Variants in MACROD2 observed in about 807,000 individuals in gnomAD.
MACROD2 encodes mono-ADP ribosylhydrolase 2, also known as ADP-ribose glycohydrolase MACROD2.
Under a neutral mutation model 70.4 loss-of-function variants are expected in MACROD2, and 36 were observed. The ratio of observed to expected loss-of-function variants is 0.51; its 90% confidence interval spans 0.39 to 0.68. The LOEUF is 0.68. Ranked by LOEUF, MACROD2 falls within the 30% of genes least tolerant of loss-of-function variation. The pLI, the probability that MACROD2 is intolerant of heterozygous loss-of-function variation, is 0.00. For missense variants in MACROD2, 496 were observed against 538.4 expected (o/e 0.92, Z 0.78); for synonymous variants, 172 against 178.8 (o/e 0.96, Z 0.30).
intron 5 of MACROD2, among the ~76,000 whole-genome samples, chr20:15,223,920 G>A (rs1046533378): frequency 2.6e-5 from 4 of 152,128 alleles, no homozygotes; most frequent in East Asian, 1.9e-4. Context: ...GTTATAAAAG[G>A]CAACATGGCG....
At chr20:14,863,961 G>T (rs1286284998) in intron 5 of MACROD2, among the ~76,000 whole-genome samples, 1 of 152,000 alleles carries the variant, frequency 6.6e-6, no homozygotes, top group African/African-American at 2.4e-5. Context: ...CCTCAAATCT[G>T]TATTTTTAAT....
intron 8 of MACROD2, among the ~76,000 whole-genome samples, chr20:15,737,161 A>G (rs1415345847): frequency 6.6e-6 from 1 of 152,180 alleles, no homozygotes; most frequent in Non-Finnish European, 1.5e-5. Context: ...TAACTGGGAA[A>G]ATGAGGAAGG....
intron 3 of MACROD2, among the ~76,000 whole-genome samples, chr20:14,357,107 C>T (rs951583031): frequency 3.9e-5 from 6 of 152,154 alleles, no homozygotes; most frequent in South Asian, 2.1e-4. Context: ...GAGGGAGGAA[C>T]GTAGACACTT....
intron 4 of MACROD2, chr20:14,631,962 T>C (rs1984538813): frequency 6.6e-6 from 1 of 152,178 alleles, no homozygotes. Context: ...AAGAAAAAAT[T>C]TCAGTTGTTT....
At position 15,801,161 on chromosome 20, in the gene MACROD2, C is replaced by T. The variant is rs1321836588; in HGVS notation, c.646-61584C>T. ...TGTGACCCTGCCAAATCCCCCTCTG[C>T]GAGAAACACCCAAGAATGATCAATT... On this transcript the variant is annotated intron_variant, in intron 8 of 17. Transcript: ENST00000684519. 3.8e-3 allele frequency among the ~76,000 whole-genome samples: 524 copies of T among 136,132 alleles called. 4 individuals carry two copies. The highest frequency in any genetic ancestry group is 0.015 in the East Asian group (70 of 4,598). The allele number at this position is 136,132 out of a possible 152,430, so 89.3% of individuals were successfully genotyped here. A position where few individuals can be genotyped will look rare whatever the true frequency, so the allele number is the denominator to read the frequency against.
intron 9 of MACROD2, among the ~76,000 whole-genome samples, chr20:15,884,760 A>G (rs1205547197): frequency 6.6e-6 from 1 of 152,116 alleles, no homozygotes. Flanking sequence ...CTGCTGTAAC[A>G]AAATATCATA....
chr20:15,887,946 C>T (rs369565269), intron 10 of MACROD2, among the ~76,000 whole-genome samples: 33 of 152,094 alleles, frequency 2.2e-4, no homozygotes, highest in African/African-American at 7.5e-4. Context: ...GTTGGCCATA[C>T]GTGGCTAGTG....
intron 10 of MACROD2, among the ~76,000 whole-genome samples, chr20:15,919,888 G>A (rs1232585993): frequency 6.6e-6 from 1 of 152,150 alleles, no homozygotes; most frequent in Non-Finnish European, 1.5e-5. Context: ...ATTCAAAGTG[G>A]AGTAAGACCC....
intron 8 of MACROD2, among the ~76,000 whole-genome samples, chr20:15,819,980 C>T (rs1274786013): frequency 6.6e-6 from 1 of 151,940 alleles, no homozygotes; most frequent in Non-Finnish European, 1.5e-5. Flanking sequence ...CACTGTAGTA[C>T]CTATTTTACT....
At chr20:14,146,211 A>T (rs1467996787) in intron 3 of MACROD2, among the ~76,000 whole-genome samples, 1 of 152,080 alleles carries the variant, frequency 6.6e-6, no homozygotes, top group Non-Finnish European at 1.5e-5. Flanking sequence ...CCAGCTACTC[A>T]GAGAGGCTGA....
intron 3 of MACROD2, among the ~76,000 whole-genome samples, chr20:14,399,675 G>GATGCATATTAGGTTGTTTACATGC (rs537529829): frequency 6.6e-6 from 1 of 152,072 alleles, no homozygotes; most frequent in African/African-American, 2.4e-5. Context: ...TGACTTTGGG[G>GATGCATATTAGGTTGTTTACATGC]ATGCATATTA....
At chr20:14,616,636 G>A (rs776353131) in intron 4 of MACROD2, among the ~76,000 whole-genome samples, 11 of 152,148 alleles carry the variant, frequency 7.2e-5, no homozygotes, top group Non-Finnish European at 1.6e-4. Context: ...AGGAGGTCCT[G>A]GAATGATATA....
chr20:15,154,464 G>A (rs1342585509), intron 5 of MACROD2, among the ~76,000 whole-genome samples: 1 of 152,210 alleles, frequency 6.6e-6, no homozygotes, highest in Non-Finnish European at 1.5e-5. Flanking sequence ...GACAGAGTTA[G>A]CTATGCCACT....
At chr20:14,989,279 G>A (rs1269790456) in intron 5 of MACROD2, among the ~76,000 whole-genome samples, 1 of 152,066 alleles carries the variant, frequency 6.6e-6, no homozygotes, top group African/African-American at 2.4e-5. Flanking sequence ...AACTTCCTTT[G>A]GTGTTGATTT....
chr20:14,984,964 C>T (rs1201051590), intron 5 of MACROD2, among the ~76,000 whole-genome samples: 1 of 152,178 alleles, frequency 6.6e-6, no homozygotes, highest in African/African-American at 2.4e-5. Flanking sequence ...CTGTCCTTCC[C>T]TTGTCTCTGG....
chr20:15,782,717 CA>C (rs11472322), intron 8 of MACROD2, among the ~76,000 whole-genome samples: 100 of 83,344 alleles, frequency 1.2e-3, no homozygotes, highest in South Asian at 2.0e-3. Flanking sequence ...AGAGAAATGG[CA>C]AAAAAAAAAA....
intron 6 of MACROD2, among the ~76,000 whole-genome samples, chr20:15,365,642 CAG>C (rs2045398890): frequency 6.7e-6 from 1 of 149,146 alleles, no homozygotes; most frequent in Non-Finnish European, 1.5e-5. Flanking sequence ...GCCTGGGCGA[CAG>C]AGCGAGGCTC....
intron 8 of MACROD2, among the ~76,000 whole-genome samples, chr20:15,834,914 A>G (rs1386769943): frequency 6.6e-6 from 1 of 152,192 alleles, no homozygotes; most frequent in African/African-American, 2.4e-5. Context: ...GATGAGGCCA[A>G]GAGAATATGG....
At chr20:14,311,764 C>CA (rs924819721) in intron 3 of MACROD2, among the ~76,000 whole-genome samples, 2 of 152,106 alleles carry the variant, frequency 1.3e-5, no homozygotes, top group African/African-American at 4.8e-5. Context: ...ATGATCCACC[C>CA]CCCATGGCCT....
Sources: gnomAD v4.1 joint callset for allele counts (sites outside exome capture counted in the v4.1 genomes callset) on GRCh38, gnomAD v4.1.1 for gene constraint, MANE v1.5 for transcripts, NCBI Gene and HGNC (gene_info 2026-07-23, HGNC 2026-07-21) for gene names.